The following ERCC6L2 variants were observed in gnomAD, a reference collection of about 807,000 sequenced individuals.
ERCC6L2 encodes the protein DNA excision repair protein ERCC-6-like 2.
A neutral mutation model predicts 132.0 loss-of-function variants in ERCC6L2; 77 were observed. The ratio of observed to expected loss-of-function variants is 0.58; its 90% confidence interval spans 0.49 to 0.71. The LOEUF is 0.71. Ranked by LOEUF, ERCC6L2 falls within the 30% of genes least tolerant of loss-of-function variation. The probability of loss-of-function intolerance (pLI) is 0.00; values close to 1 mark genes in which losing one functional copy is unlikely to be tolerated. For synonymous variants in ERCC6L2, 583 were observed against 632.4 expected, an observed-to-expected ratio of 0.92 and a Z score of 1.17; for missense variants, 1,542 against 1,837.6, an observed-to-expected ratio of 0.84 and a Z score of 2.94.
intron 20 of ERCC6L2, among the ~76,000 whole-genome samples, chr9:96,040,088 G>A (rs1834561457): frequency 6.6e-6 from 1 of 151,802 alleles, no homozygotes; most frequent in Non-Finnish European, 1.5e-5. Flanking sequence ...TTATCTAGAG[G>A]AGAAACAGAG....
At chr9:96,004,805 C>A in intron 18 of ERCC6L2, 104 bp downstream of exon 18, 1 of 722,076 alleles carries the variant, frequency 1.4e-6, no homozygotes, top group Non-Finnish European at 2.0e-6. Context: ...TAACTGACAT[C>A]TGAATATTTC....
intron 19 of ERCC6L2, among the ~76,000 whole-genome samples, chr9:96,029,357 A>G (rs957023767): frequency 2.6e-5 from 4 of 151,658 alleles, no homozygotes; most frequent in African/African-American, 9.7e-5. Flanking sequence ...AGTTAGGATA[A>G]GTTAGTTAGG....
chr9:95,958,712 A>G (rs1039977453), intron 13 of ERCC6L2, among the ~76,000 whole-genome samples: 3 of 152,148 alleles, frequency 2.0e-5, no homozygotes, highest in Non-Finnish European at 4.4e-5. Context: ...CAAAAATCAC[A>G]AGCATTCTCA....
intron 3 of ERCC6L2, among the ~76,000 whole-genome samples, chr9:95,900,206 CCT>C (rs1240508071): frequency 1.3e-5 from 2 of 151,730 alleles, no homozygotes; most frequent in Non-Finnish European, 2.9e-5. Flanking sequence ...ATAAGAATAC[CCT>C]GTCTTTACAG....
rs780324961 is a variant in ERCC6L2, at chr9:95,897,991, T to A, written c.594+20T>A. The A allele has an allele frequency of 1.3e-6, 2 of 1,585,584 alleles. No homozygotes were observed. Among genetic ancestry groups the A allele is most frequent in the Non-Finnish European group, 1.7e-6 (2 of 1,167,690 alleles). ...AAAAAGGTAAAATCTCTAGACAATG[T>A]ATATTCTACTCATGATGCTGGTATT... On this transcript the variant is annotated intron_variant, in intron 3 of 18. Transcript: ENST00000653738.
intron 16 of ERCC6L2, among the ~76,000 whole-genome samples, chr9:95,975,747 A>G (rs556292694): frequency 4.0e-5 from 6 of 151,562 alleles, no homozygotes; most frequent in African/African-American, 1.4e-4. Flanking sequence ...TTTTTGTCAC[A>G]TTCTCTCAAA....
chr9:95,880,855 C>T lies in ERCC6L2; in HGVS notation c.47-14C>T. ...AAGCTAGCTTTGGAAACTTTATTTT[C>T]TTTATTCTTGCAGACATATGGCATC... On this transcript the variant is annotated splice_polypyrimidine_tract_variant and intron_variant, in intron 1 of 18. Transcript: ENST00000653738. 1 of 1,574,960 alleles carries T rather than the reference C, an allele frequency of 6.3e-7. No individual in the cohort carries two copies. The highest frequency in any genetic ancestry group is 2.2e-5 in the East Asian group (1 of 44,504).
chr9:95,912,876 GGTTTT>G (rs1189544317), intron 4 of ERCC6L2, among the ~76,000 whole-genome samples: 2 of 152,126 alleles, frequency 1.3e-5, no homozygotes, highest in Non-Finnish European at 2.9e-5. Flanking sequence ...TTAGTAAAGT[GGTTTT>G]GGCCCAAAGG....
At chr9:95,950,208 G>A (rs1471171740) in intron 12 of ERCC6L2, among the ~76,000 whole-genome samples, 2 of 151,982 alleles carry the variant, frequency 1.3e-5, no homozygotes, top group Admixed American at 6.6e-5. Flanking sequence ...AAAGACACAT[G>A]CATAAAATAA....
chr9:95,947,340 C>T (rs963259588), intron 12 of ERCC6L2, among the ~76,000 whole-genome samples: 2 of 152,190 alleles, frequency 1.3e-5, no homozygotes, highest in Non-Finnish European at 2.9e-5. Context: ...TAATCCAGAG[C>T]AAGTCTCTAA....
At chr9:95,945,079 G>A (rs1047680737) in intron 12 of ERCC6L2, among the ~76,000 whole-genome samples, 6 of 152,110 alleles carry the variant, frequency 3.9e-5, no homozygotes, top group Admixed American at 2.0e-4. Flanking sequence ...GAATTTCCTC[G>A]TCCTAATAAG....
intron 12 of ERCC6L2, among the ~76,000 whole-genome samples, chr9:95,944,858 G>A (rs905512662): frequency 1.3e-5 from 2 of 152,134 alleles, no homozygotes; most frequent in African/African-American, 2.4e-5. Flanking sequence ...GGGAGTGTAC[G>A]AATAGGGTGT....
intron 3 of ERCC6L2, among the ~76,000 whole-genome samples, chr9:95,903,031 GA>G: frequency 6.6e-6 from 1 of 151,976 alleles, no homozygotes; most frequent in East Asian, 1.9e-4. Flanking sequence ...TGTTTGCCTA[GA>G]AAAGCCTTTT....
At chr9:95,941,692 C>CGTCA in intron 12 of ERCC6L2, 143 bp downstream of exon 12, 2 of 615,662 alleles carry the variant, frequency 3.2e-6, no homozygotes, top group Non-Finnish European at 5.6e-6. Context: ...ATAATCCTGA[C>CGTCA]CTTCTCAATC....
chr9:95,981,196 T>C (rs1832878485), intron 17 of ERCC6L2, among the ~76,000 whole-genome samples: 1 of 152,182 alleles, frequency 6.6e-6, no homozygotes, highest in Admixed American at 6.6e-5. Flanking sequence ...TGAAAACTTG[T>C]AAAAGGGAAG....
intron 12 of ERCC6L2, among the ~76,000 whole-genome samples, chr9:95,949,763 A>G (rs766389991): frequency 6.6e-6 from 1 of 152,294 alleles, no homozygotes; most frequent in South Asian, 2.1e-4. Flanking sequence ...TAATCCCAGC[A>G]CTTTGGGAGG....
intron 9 of ERCC6L2, among the ~76,000 whole-genome samples, chr9:95,925,452 C>T (rs189303890): frequency 1.3e-5 from 2 of 152,260 alleles, no homozygotes; most frequent in East Asian, 3.9e-4. Flanking sequence ...TTAACACCCC[C>T]AAATAATACG....
At chr9:95,997,508 A>G (rs569425796) in intron 17 of ERCC6L2, among the ~76,000 whole-genome samples, 41 of 152,382 alleles carry the variant, frequency 2.7e-4, no homozygotes, top group African/African-American at 9.9e-4. Flanking sequence ...AAATAGCAAC[A>G]AAGAATTTAG....
downstream of ERCC6L2, chr9:96,021,808 G>A (rs1419797992): frequency 2.0e-5 from 3 of 152,704 alleles, no homozygotes; most frequent in Non-Finnish European, 4.4e-5. This position sits in a 1 kb window ranked among gnomAD's most constrained non-coding sequence, Gnocchi z 4.7. Context: ...GGGTCGGCGG[G>A]ACTGGGGCTC....
Sources: allele counts gnomAD v4.1 joint callset (sites outside exome capture counted in the v4.1 genomes callset), GRCh38; gene constraint gnomAD v4.1.1; non-coding constraint Gnocchi (gnomAD v3.1); transcripts MANE v1.5; gene names NCBI Gene and HGNC (gene_info 2026-07-23, HGNC 2026-07-21).